Variants in RARB observed in about 807,000 individuals in gnomAD.
RARB encodes the protein HBV-activated protein.
In RARB, 17 loss-of-function variants were observed where a neutral mutation model predicts 51.9. That is an observed-to-expected ratio of 0.33 (90% CI 0.22 to 0.49). The LOEUF is 0.49. RARB is among the 20% of genes least tolerant of loss of function. The probability of loss-of-function intolerance (pLI) is 0.99; values close to 1 mark genes in which losing one functional copy is unlikely to be tolerated. For synonymous variants in RARB, 215 were observed against 195.4 expected (o/e 1.10, Z -0.84); for missense variants, 369 against 550.8 (o/e 0.67, Z 3.30).
At chr3:25,549,771 G>A (rs1575509285) in intron 3 of RARB, among the ~76,000 whole-genome samples, 1 of 152,174 alleles carries the variant, frequency 6.6e-6, no homozygotes, top group Non-Finnish European at 1.5e-5. Flanking sequence ...TTTATTGAGT[G>A]CTGGGCCTTT....
At chr3:25,454,383 A>G (rs1422695374) in intron 1 of RARB, among the ~76,000 whole-genome samples, 1 of 152,198 alleles carries the variant, frequency 6.6e-6, no homozygotes, top group Non-Finnish European at 1.5e-5. Context: ...TTTTGACCAA[A>G]CGCAACTTTG....
chr3:25,528,061 T>C (rs1698730329), intron 3 of RARB, among the ~76,000 whole-genome samples: 2 of 152,154 alleles, frequency 1.3e-5, no homozygotes, highest in Admixed American at 6.5e-5. Context: ...GTTTGACTAA[T>C]TGGTAATGTC....
chr3:24,971,985 T>TC (rs1052363569), intron 2 of RARB, among the ~76,000 whole-genome samples: 11 of 76,180 alleles, frequency 1.4e-4, no homozygotes, highest in African/African-American at 4.0e-4. Flanking sequence ...TAAATATTTA[T>TC]TTTTCTTTAG....
chr3:25,164,063 A>G (rs558704737), intron 4 of RARB, among the ~76,000 whole-genome samples: 2 of 151,922 alleles, frequency 1.3e-5, no homozygotes, highest in East Asian at 1.9e-4. Context: ...GTGTGGTGAC[A>G]TTCCCAGACT....
At chr3:25,513,759 T>G (rs1698024703) in intron 3 of RARB, among the ~76,000 whole-genome samples, 1 of 151,666 alleles carries the variant, frequency 6.6e-6, no homozygotes, top group African/African-American at 2.4e-5. Context: ...CGGTGCCTAT[T>G]AAACCAAGAC....
chr3:24,947,075 G>C (rs1695790890), intron 2 of RARB, among the ~76,000 whole-genome samples: 1 of 152,194 alleles, frequency 6.6e-6, no homozygotes, highest in African/African-American at 2.4e-5. Flanking sequence ...TGCTGAGTTA[G>C]AGATAAGACT....
intron 4 of RARB, among the ~76,000 whole-genome samples, chr3:25,156,448 A>C (rs539717056): frequency 2.9e-5 from 4 of 137,770 alleles, no homozygotes; most frequent in Non-Finnish European, 6.1e-5. Context: ...TCACTAGTGA[A>C]TGCTTTCTTG....
upstream of RARB, among the ~76,000 whole-genome samples, chr3:25,428,073 C>G (rs148584827): frequency 6.6e-6 from 1 of 152,110 alleles, no homozygotes; most frequent in African/African-American, 2.4e-5. Flanking sequence ...AAGAAAACGC[C>G]GGCTTGTGCG....
At chr3:25,449,918 T>G (rs1005795530) in intron 1 of RARB, among the ~76,000 whole-genome samples, 44 of 152,102 alleles carry the variant, frequency 2.9e-4, no homozygotes, top group Non-Finnish European at 4.0e-4. Flanking sequence ...CAAATTTTTT[T>G]TGTGTGTATT....
chr3:24,961,885 T>A (rs1696147584), intron 2 of RARB, among the ~76,000 whole-genome samples: 1 of 146,438 alleles, frequency 6.8e-6, no homozygotes, highest in African/African-American at 2.5e-5. Flanking sequence ...GTGAGAAAAA[T>A]AGCCATACAA....
Position 25,248,894 on chromosome 3 carries a change from G to A in RARB, c.178+74319G>A, listed in dbSNP as rs1041948842. Among the ~76,000 whole-genome samples, 7 of 151,996 alleles carry A rather than the reference G, an allele frequency of 4.6e-5. No homozygotes were observed. In the South Asian group the frequency reaches 1.5e-3, roughly 32 times the overall value. On this transcript the variant is annotated intron_variant, in intron 5 of 11. Coordinates refer to the RARB transcript ENST00000383772. ...CTTTGTCTTTCACTTTTGACAGTTG[G>A]GCTACACTCTGCCATGAATAAGAGT...
chr3:25,225,729 C>G (rs953278354), intron 5 of RARB, among the ~76,000 whole-genome samples: 1 of 152,092 alleles, frequency 6.6e-6, no homozygotes, highest in African/African-American at 2.4e-5. Flanking sequence ...TATACGCACA[C>G]GTATTTGTGA....
rs1364331249 is a variant in RARB at position 25,476,485 on chromosome 3, A to T, written c.306+15144A>T. ...ACTCCATTCTCTGCAGACACTTTTT[A>T]CAAGTTTCTTAAGAATAGTTTATAG... On this transcript the variant is annotated intron_variant, in intron 2 of 7. Transcript: ENST00000330688. Among the ~76,000 whole-genome samples the T allele has an allele frequency of 3.3e-5, 5 of 152,084 alleles. No individual in the cohort carries two copies. In the East Asian group the frequency reaches 9.6e-4, roughly 29 times the overall value.
chr3:25,208,409 C>A (rs980311865), intron 5 of RARB, among the ~76,000 whole-genome samples: 3 of 152,108 alleles, frequency 2.0e-5, no homozygotes, highest in Non-Finnish European at 4.4e-5. Flanking sequence ...TCCAGTGATT[C>A]TGTTGAATTT....
intron 2 of RARB, among the ~76,000 whole-genome samples, chr3:24,931,308 A>C (rs954089989): frequency 6.6e-6 from 1 of 152,216 alleles, no homozygotes; most frequent in African/African-American, 2.4e-5. Context: ...CTATTCCTCC[A>C]AATACACAAG....
At chr3:24,870,078 A>G (rs1330270447) in intron 2 of RARB, among the ~76,000 whole-genome samples, 1 of 152,050 alleles carries the variant, frequency 6.6e-6, no homozygotes, top group East Asian at 1.9e-4. Flanking sequence ...GTTGATTTCT[A>G]AAAGTTCTTT....
chr3:25,031,974 T>C (rs1312986461), intron 2 of RARB, among the ~76,000 whole-genome samples: 1 of 152,174 alleles, frequency 6.6e-6, no homozygotes, highest in Non-Finnish European at 1.5e-5. Flanking sequence ...GAGTTGATAA[T>C]TTATTATTCC....
At chr3:25,110,968 T>G (rs576672522) in intron 3 of RARB, among the ~76,000 whole-genome samples, 4 of 152,334 alleles carry the variant, frequency 2.6e-5, no homozygotes, top group Non-Finnish European at 4.4e-5. Flanking sequence ...ATCGTGTACA[T>G]TTTTATGAGT....
intron 5 of RARB, among the ~76,000 whole-genome samples, chr3:25,233,982 G>A (rs1311451705): frequency 6.6e-6 from 1 of 151,824 alleles, no homozygotes; most frequent in African/African-American, 2.4e-5. Context: ...TATTTTGTTG[G>A]AGATTTTGAA....
Sources: allele counts gnomAD v4.1 joint callset (sites outside exome capture counted in the v4.1 genomes callset), GRCh38; gene constraint gnomAD v4.1.1; transcripts MANE v1.5; gene names NCBI Gene and HGNC (gene_info 2026-07-23, HGNC 2026-07-21).